Variants in INPP4A observed in about 807,000 individuals in gnomAD.
INPP4A encodes inositol polyphosphate-4-phosphatase type I A.
INPP4A carries 33 observed loss-of-function variants against 119.8 expected under a neutral mutation model. That is an observed-to-expected ratio of 0.28 (90% CI 0.21 to 0.37). INPP4A has a LOEUF of 0.37. Among genes scored for constraint, INPP4A ranks in the 10% least tolerant of loss-of-function variants. The probability of loss-of-function intolerance (pLI) is 1.00; values close to 1 mark genes in which losing one functional copy is unlikely to be tolerated. For synonymous variants in INPP4A, 496 were observed against 500.7 expected (o/e 0.99, Z 0.12); for missense variants, 956 against 1,289.9 (o/e 0.74, Z 3.97).
At chr2:98,581,865 C>T in intron 24 of INPP4A, 1 of 1,440,760 alleles carries the variant, frequency 6.9e-7, no homozygotes, top group Non-Finnish European at 9.1e-7. Context: ...CGTGGTCTGC[C>T]AAGAAATATT....
At chr2:98,446,423 G>GTT (rs1424428975) in intron 1 of INPP4A, among the ~76,000 whole-genome samples, 9 of 152,076 alleles carry the variant, frequency 5.9e-5, no homozygotes, top group Middle Eastern at 3.2e-3. Flanking sequence ...GGGCAGTGTG[G>GTT]TTGGTCTGTT....
rs773770980 is a variant in INPP4A, at chr2:98,572,940, G to T, written c.2631+13G>T. 8 of 1,549,586 alleles carry T rather than the reference G, an allele frequency of 5.2e-6. No individual in the cohort carries two copies. The highest frequency in any genetic ancestry group is 1.4e-5 in the African/African-American group (1 of 73,234). On this transcript the variant is annotated intron_variant, in intron 23 of 24. Coordinates refer to ENST00000409851, the MANE Select transcript of INPP4A (RefSeq NM_001134225.2). ...GCAAGCTGCTGAGGTACTGGTTACA[G>T]AGAGGAAAAGGAGGCTATTGCGGTG...
intron 1 of INPP4A, among the ~76,000 whole-genome samples, chr2:98,449,298 A>T (rs988125965): frequency 6.6e-6 from 1 of 152,240 alleles, no homozygotes; most frequent in Non-Finnish European, 1.5e-5. Context: ...TTCTATATTT[A>T]TTAGTTGGAA....
At chr2:98,517,966 G>C (rs141794436) in intron 1 of INPP4A, among the ~76,000 whole-genome samples, 1 of 152,212 alleles carries the variant, frequency 6.6e-6, no homozygotes. Context: ...TTTGGAGGAC[G>C]AATTTAGGTG....
At chr2:98,470,667 CTT>C (rs1261496406) in intron 1 of INPP4A, among the ~76,000 whole-genome samples, 1 of 145,962 alleles carries the variant, frequency 6.9e-6, no homozygotes. Context: ...TTCTTTTTTT[CTT>C]TTTTTTTTTG....
Position 98,570,551 on chromosome 2 carries a change from CTG to C in INPP4A, c.2518+1885_2518+1886del, listed in dbSNP as rs1482924930. ...GGAATGGACCACTTTGTCCCAAAGACTGTCAGCAACTTGAGGGATGGGGCTGT... is the reference window on the plus strand; with the variant it reads ...GGAATGGACCACTTTGTCCCAAAGACTCAGCAACTTGAGGGATGGGGCTGT... On this transcript the variant is annotated intron_variant, in intron 22 of 24. Transcript: ENST00000409851. This position sits in a 1 kb window ranked among gnomAD's most constrained non-coding sequence, Gnocchi z 4.3. 1.3e-5 allele frequency among the ~76,000 whole-genome samples: 2 copies of C among 152,120 alleles called. No individual in the cohort carries two copies. Among genetic ancestry groups the C allele is most frequent in the Non-Finnish European group, 2.9e-5 (2 of 68,030 alleles).
At position 98,546,349 on chromosome 2, in the gene INPP4A, T is replaced by C. The variant is rs1433931971; in HGVS notation, c.1055-237T>C. Among the ~76,000 whole-genome samples, 1 of 152,204 alleles carries C rather than the reference T, an allele frequency of 6.6e-6. No individual in the cohort carries two copies. The highest frequency in any genetic ancestry group is 1.5e-5 in the Non-Finnish European group (1 of 68,028). ...AGGGATGCAAACGGGAGTTACAGGG[T>C]GGCTTCCTGCAGCCCTTGTGGCTCC... On this transcript the variant is annotated intron_variant, in intron 12 of 24. Transcript: ENST00000409851. This position sits in a 1 kb window ranked among gnomAD's most constrained non-coding sequence, Gnocchi z 4.2.
chr2:98,543,778 T>TA, intron 10 of INPP4A, 99 bp from the exon 11 acceptor site: 1 of 1,465,644 alleles, frequency 6.8e-7, no homozygotes, highest in South Asian at 1.3e-5. Context: ...GCATCCATGA[T>TA]ACTTCCCCTG....
chr2:98,509,193 A>G (rs1372015370), intron 1 of INPP4A, among the ~76,000 whole-genome samples: 2 of 152,192 alleles, frequency 1.3e-5, no homozygotes, highest in Non-Finnish European at 1.5e-5. Flanking sequence ...TAGACCCTCA[A>G]CTGTTTGTTA....
intron 5 of INPP4A, among the ~76,000 whole-genome samples, chr2:98,534,429 C>T (rs997970859): frequency 1.3e-5 from 2 of 152,286 alleles, no homozygotes; most frequent in African/African-American, 4.8e-5. Flanking sequence ...AGAGTCAGAG[C>T]AGGCTTCCTA....
chr2:98,454,734 C>T (rs566458036), intron 1 of INPP4A, among the ~76,000 whole-genome samples: 3 of 120,624 alleles, frequency 2.5e-5, no homozygotes, highest in South Asian at 2.5e-4. Flanking sequence ...GGACATCCAG[C>T]GAAGTTGAGA....
rs139298027 is a variant in INPP4A at position 98,574,340 on chromosome 2, G to A, written c.2631+1413G>A. Among the ~76,000 whole-genome samples, 153 of 152,092 alleles carry A rather than the reference G, an allele frequency of 1.0e-3. No individual in the cohort carries two copies. The East Asian group carries it at 0.025, about 25-fold the overall frequency. ...AAAGCAAGCCTTTCCCACAGGACAC[G>A]AAGAATACAGAGGGTGGCCGGGCTC... On this transcript the variant is annotated intron_variant, in intron 23 of 24. Transcript: ENST00000409851.
In INPP4A at chr2:98,568,594, A is replaced by G. The variant is rs1322276760; in HGVS notation, c.2444A>G (p.Glu815Gly). ...AGGTTTGGCGATACGTCTTTACAAG[A>G]AGTCATCAACGTGGAGAGTTTGGTG... ...AERFGDTSLQ[E>G]VINVESLVRL... Residue 815 changes from glutamate to glycine, a missense_variant, in exon 22 of 25, where the codon GAA (glutamate) becomes GGA (glycine). Coordinates refer to ENST00000409851, the MANE Select transcript of INPP4A (RefSeq NM_001134225.2). 6.2e-7 allele frequency: 1 copy of G among 1,600,616 alleles called. No homozygotes were observed. The highest frequency in any genetic ancestry group is 8.5e-7 in the Non-Finnish European group (1 of 1,172,372).
chr2:98,546,436 G>A lies in INPP4A; in HGVS notation c.1055-150G>A, dbSNP rs940768345. 18 of 611,972 alleles carry A rather than the reference G, an allele frequency of 2.9e-5. No homozygotes were observed. The highest frequency in any genetic ancestry group is 7.4e-5 in the African/African-American group (4 of 53,880). 37.9% of individuals were successfully genotyped at this position (611,972 alleles called of 1,614,324 possible). A position where few individuals can be genotyped will look rare whatever the true frequency, so the allele number is the denominator to read the frequency against. ...TGGCACTGGGCTCCAGCAGACCCTT[G>A]GGCAGCCAGGGCTGTGGGATCAGGG... On this transcript the variant is annotated intron_variant, in intron 12 of 24. Transcript: ENST00000409851. This position sits in a 1 kb window ranked among gnomAD's most constrained non-coding sequence, Gnocchi z 4.2.
intron 1 of INPP4A, among the ~76,000 whole-genome samples, chr2:98,515,047 C>T (rs1290413739): frequency 6.6e-6 from 1 of 152,226 alleles, no homozygotes; most frequent in Non-Finnish European, 1.5e-5. Context: ...GCTCCACGCC[C>T]TTCCCACATG....
Position 98,546,646 on chromosome 2 carries a change from C to T in INPP4A, c.1115C>T (p.Ser372Leu). Residue 372 changes from serine to leucine, a missense_variant, in exon 13 of 25, where the codon TCA becomes TTA. Transcript: ENST00000409851. The surrounding 1 kb of genome is among the most constrained non-coding windows in gnomAD (Gnocchi z 4.2). ...GCAGCACACTGCCAAGGTTTTAAGT[C>T]AGGAGGTCTCCGCAAAAAGCTGCAC... The part of the protein sequence containing the change: ...APAAHCQGFK[S>L]GGLRKKLHKF... The T allele has an allele frequency of 6.2e-7, 1 of 1,613,900 alleles. No individual in the cohort carries two copies. The highest frequency in any genetic ancestry group is 8.5e-7 in the Non-Finnish European group (1 of 1,179,770).
At chr2:98,530,849 A>G (rs1473983666) in intron 4 of INPP4A, among the ~76,000 whole-genome samples, 4 of 152,254 alleles carry the variant, frequency 2.6e-5, no homozygotes, top group African/African-American at 7.2e-5. Flanking sequence ...AGGGGCTGCT[A>G]TAGCAGAATA....
At chr2:98,565,909 C>G in intron 20 of INPP4A, 120 bp from the exon 21 acceptor site, 1 of 1,497,928 alleles carries the variant, frequency 6.7e-7, no homozygotes, top group East Asian at 2.3e-5. Context: ...GTGCCACTCC[C>G]TTAAAGGTCT....
intron 1 of INPP4A, among the ~76,000 whole-genome samples, chr2:98,482,585 C>G (rs1007234460): frequency 1.3e-5 from 2 of 152,336 alleles, no homozygotes; most frequent in East Asian, 1.9e-4. Flanking sequence ...CTTGTCACAC[C>G]TGCCAGAATG....
Sources: allele counts gnomAD v4.1 joint callset (sites outside exome capture counted in the v4.1 genomes callset), GRCh38; gene constraint gnomAD v4.1.1; non-coding constraint Gnocchi (gnomAD v3.1); transcripts MANE v1.5; gene names NCBI Gene and HGNC (gene_info 2026-07-23, HGNC 2026-07-21).